RAVER2: variants seen among roughly 807,000 people sequenced by gnomAD.
The protein encoded by RAVER2 is ribonucleoprotein PTB-binding 2.
RAVER2 carries 46 observed loss-of-function variants against 78.1 expected under a neutral mutation model. The ratio of observed to expected loss-of-function variants is 0.59; its 90% CI spans 0.46 to 0.75. The LOEUF (loss-of-function observed/expected upper bound fraction) is 0.75. Ranked by LOEUF, RAVER2 falls within the 30% of genes least tolerant of loss-of-function variation. The probability of loss-of-function intolerance (pLI) is 0.00; values close to 1 mark genes in which losing one functional copy is unlikely to be tolerated. For missense variants in RAVER2, 793 were observed against 837.5 expected (o/e 0.95, Z 0.66); for synonymous variants, 311 against 313.3 (o/e 0.99, Z 0.08).
chr1:64,820,160 C>CTTAT (rs1375276924), intron 11 of RAVER2, among the ~76,000 whole-genome samples: 1 of 151,984 alleles, frequency 6.6e-6, no homozygotes, highest in Non-Finnish European at 1.5e-5. Context: ...TTGTGGAACG[C>CTTAT]ATATTGTAAT....
chr1:64,747,568 G>A (rs2100796163), intron 1 of RAVER2, among the ~76,000 whole-genome samples: 1 of 151,320 alleles, frequency 6.6e-6, no homozygotes, highest in South Asian at 2.1e-4. Context: ...CTGGAGTGCA[G>A]TGGCGCGACC....
At chr1:64,756,116 T>C (rs1651850959) in intron 1 of RAVER2, among the ~76,000 whole-genome samples, 1 of 152,126 alleles carries the variant, frequency 6.6e-6, no homozygotes, top group African/African-American at 2.4e-5. Context: ...TCTTTCAATT[T>C]TGGTTCGTAT....
intron 2 of RAVER2, among the ~76,000 whole-genome samples, chr1:64,776,012 CTT>C (rs1311464987): frequency 8.3e-6 from 1 of 121,006 alleles, no homozygotes; most frequent in Non-Finnish European, 1.6e-5. Flanking sequence ...GAGTCAGACT[CTT>C]GTCTCAAAAA....
At chr1:64,806,972 A>G (rs886376007) in intron 8 of RAVER2, among the ~76,000 whole-genome samples, 8 of 152,094 alleles carry the variant, frequency 5.3e-5, no homozygotes, top group Admixed American at 3.9e-4. Context: ...ATTCCTTATC[A>G]TTGAGGTTAC....
intron 5 of RAVER2, among the ~76,000 whole-genome samples, chr1:64,797,339 G>C (rs1399049148): frequency 6.6e-6 from 1 of 152,280 alleles, no homozygotes. Flanking sequence ...CATAGCTAAG[G>C]GTAAGAGCAG....
At chr1:64,777,536 G>C in intron 2 of RAVER2, 87 bp from the exon 3 acceptor site, 6 of 1,090,372 alleles carry the variant, frequency 5.5e-6, no homozygotes, top group Non-Finnish European at 7.9e-6. Flanking sequence ...GTATGTTTAT[G>C]TGTACCAAGT....
intron 4 of RAVER2, among the ~76,000 whole-genome samples, chr1:64,788,397 A>G (rs1570556676): frequency 6.6e-6 from 1 of 151,698 alleles, no homozygotes; most frequent in South Asian, 2.1e-4. Flanking sequence ...GCGTGAACCC[A>G]GGAGGCAAAG....
At chr1:64,800,092 T>C (rs374017505) in intron 5 of RAVER2, among the ~76,000 whole-genome samples, 3 of 151,906 alleles carry the variant, frequency 2.0e-5, no homozygotes, top group African/African-American at 7.3e-5. Flanking sequence ...CCTTTGCCCA[T>C]TTTTAAATTG....
chr1:64,816,576 G>A (rs902011696), intron 11 of RAVER2: 1 of 152,206 alleles, frequency 6.6e-6, no homozygotes, highest in Middle Eastern at 3.2e-3. Context: ...CTGGGATGAA[G>A]GAAGAGGTCT....
chr1:64,755,959 C>A (rs1651846741), intron 1 of RAVER2, among the ~76,000 whole-genome samples: 1 of 152,094 alleles, frequency 6.6e-6, no homozygotes. Context: ...ACTAGGACAA[C>A]TTCCAACATA....
intron 11 of RAVER2, among the ~76,000 whole-genome samples, chr1:64,830,428 C>T (rs1228165563): frequency 6.6e-6 from 1 of 152,208 alleles, no homozygotes; most frequent in Admixed American, 6.5e-5. Context: ...CCTCTTGTCA[C>T]CAGGCACACT....
intron 5 of RAVER2, among the ~76,000 whole-genome samples, chr1:64,794,742 A>G (rs948800036): frequency 4.6e-5 from 7 of 152,068 alleles, no homozygotes; most frequent in African/African-American, 1.7e-4. Flanking sequence ...TATTTTACAT[A>G]CAAGTACTCT....
At chr1:64,755,331 A>G (rs1203347985) in intron 1 of RAVER2, among the ~76,000 whole-genome samples, 1 of 152,082 alleles carries the variant, frequency 6.6e-6, no homozygotes, top group East Asian at 1.9e-4. Flanking sequence ...TTTATTTACT[A>G]CTGTTATCTT....
chr1:64,774,027 T>G (rs1249897498), intron 2 of RAVER2, among the ~76,000 whole-genome samples: 4 of 152,198 alleles, frequency 2.6e-5, no homozygotes, highest in Non-Finnish European at 5.9e-5. Flanking sequence ...TTGATGGGGT[T>G]GTTTTTTTCT....
At chr1:64,788,767 G>A (rs1204831187) in intron 4 of RAVER2, among the ~76,000 whole-genome samples, 1 of 149,938 alleles carries the variant, frequency 6.7e-6, no homozygotes, top group Non-Finnish European at 1.5e-5. Context: ...ACTCCAGACT[G>A]GGTGACAGAG....
At chr1:64,823,881 A>G (rs781478419) in intron 11 of RAVER2, among the ~76,000 whole-genome samples, 31 of 143,908 alleles carry the variant, frequency 2.2e-4, no homozygotes, top group Non-Finnish European at 4.5e-4. Context: ...ATCTCAGCTC[A>G]CTGCAACCTC....
intron 5 of RAVER2, 125 bp downstream of exon 5, chr1:64,789,639 T>C (rs1652881987): frequency 1.3e-6 from 1 of 772,086 alleles, no homozygotes; most frequent in South Asian, 6.0e-5. Flanking sequence ...ATAAAATATT[T>C]AATTTTTCTA....
At chr1:64,769,454 C>T (rs1315757118) in intron 2 of RAVER2, among the ~76,000 whole-genome samples, 1 of 152,058 alleles carries the variant, frequency 6.6e-6, no homozygotes, top group Non-Finnish European at 1.5e-5. Context: ...TATGCAATTA[C>T]ATTTTGATAG....
chr1:64,752,261 G>GAGCATTTATTCACCC (rs1553151277), intron 1 of RAVER2, among the ~76,000 whole-genome samples: 1 of 152,196 alleles, frequency 6.6e-6, no homozygotes, highest in Non-Finnish European at 1.5e-5. Flanking sequence ...TTGAGGAGAG[G>GAGCATTTATTCACCC]AGCATTTATT....
Sources: allele counts gnomAD v4.1 joint callset (sites outside exome capture counted in the v4.1 genomes callset), GRCh38; gene constraint gnomAD v4.1.1; transcripts MANE v1.5; gene names NCBI Gene and HGNC (gene_info 2026-07-23, HGNC 2026-07-21).